Variants in CCDC171 observed in about 807,000 individuals in gnomAD.
CCDC171 encodes the protein coiled-coil domain-containing protein 171.
Under a neutral mutation model 168.2 loss-of-function variants are expected in CCDC171, and 177 were observed. The ratio of observed to expected loss-of-function variants is 1.05; its 90% CI spans 0.93 to 1.19. The LOEUF (loss-of-function observed/expected upper bound fraction) is 1.19, where lower values mean the gene tolerates loss of function less well. Ranked by LOEUF, CCDC171 falls within the 50% of genes most tolerant of loss-of-function variation. CCDC171 has a pLI of 0.00. For synonymous variants in CCDC171, 687 were observed against 540.8 expected (o/e 1.27, Z -3.75); for missense variants, 1,991 against 1,539.0 (o/e 1.29, Z -4.91).
chr9:15,994,697 A>G (rs756295662), intron 3 of CCDC171, among the ~76,000 whole-genome samples: 5 of 152,202 alleles, frequency 3.3e-5, no homozygotes, highest in African/African-American at 7.2e-5. Flanking sequence ...CATGTTGTCT[A>G]TAGGTACATT....
chr9:15,912,444 T>C (rs1330853590), intron 24 of CCDC171, among the ~76,000 whole-genome samples: 1 of 152,202 alleles, frequency 6.6e-6, no homozygotes, highest in Non-Finnish European at 1.5e-5. Flanking sequence ...TAAGGAGTTT[T>C]GGGACTGAGA....
At chr9:15,728,143 G>A (rs990361072) in intron 15 of CCDC171, 107 bp downstream of exon 15, 35 of 862,570 alleles carry the variant, frequency 4.1e-5, no homozygotes, top group Non-Finnish European at 5.9e-5. Context: ...AAAAGAATTT[G>A]GATGTTAATA....
At chr9:16,076,684 G>A in the CCDC171 span, among the ~76,000 whole-genome samples, 2 of 152,080 alleles carry the variant, frequency 1.3e-5, no homozygotes, top group Non-Finnish European at 2.9e-5. Flanking sequence ...GCCTTTGTCC[G>A]TGACTATTAG....
intron 3 of CCDC171, among the ~76,000 whole-genome samples, chr9:15,999,379 G>A (rs1373147960): frequency 7.3e-6 from 1 of 137,814 alleles, no homozygotes; most frequent in Non-Finnish European, 1.6e-5. Flanking sequence ...AGGGAGGGAG[G>A]AAGGAAAGAA....
intron 7 of CCDC171, among the ~76,000 whole-genome samples, chr9:15,654,201 TAAAAA>T (rs570414785): frequency 7.0e-6 from 1 of 143,768 alleles, no homozygotes; most frequent in Non-Finnish European, 1.5e-5. Context: ...TTGCTTTCTG[TAAAAA>T]AAAAAAACCA....
chr9:15,990,322 A>G (rs1832145663), intron 3 of CCDC171, among the ~76,000 whole-genome samples: 1 of 152,182 alleles, frequency 6.6e-6, no homozygotes. Context: ...ATCCAGCCAA[A>G]CTAAGCTTCA....
chr9:15,790,189 T>A (rs1164270031), intron 21 of CCDC171, among the ~76,000 whole-genome samples: 1 of 152,246 alleles, frequency 6.6e-6, no homozygotes, highest in Non-Finnish European at 1.5e-5. Context: ...TCTTCCACAA[T>A]GGTTGAACTA....
At chr9:16,087,303 T>C in the CCDC171 span, among the ~76,000 whole-genome samples, 2 of 152,128 alleles carry the variant, frequency 1.3e-5, no homozygotes, top group African/African-American at 4.8e-5. Context: ...TTCTGTCTCG[T>C]TGTTCTGTCT....
chr9:16,083,753 G>T, the CCDC171 span, among the ~76,000 whole-genome samples: 15 of 152,122 alleles, frequency 9.9e-5, no homozygotes, highest in Non-Finnish European at 2.2e-4. Context: ...CTCCCCTAAT[G>T]GAAGAGTTGA....
At chr9:15,938,158 G>A (rs2132249933) in intron 25 of CCDC171, among the ~76,000 whole-genome samples, 1 of 151,940 alleles carries the variant, frequency 6.6e-6, no homozygotes, top group East Asian at 1.9e-4. Context: ...TCACCTTGCA[G>A]ATGAGGAATC....
chr9:16,063,543 T>C (rs1002495098), downstream of CCDC171, among the ~76,000 whole-genome samples: 1 of 152,204 alleles, frequency 6.6e-6, no homozygotes, highest in South Asian at 2.1e-4. Context: ...TCATTTGCAT[T>C]GGTTTACTCT....
chr9:15,949,212 T>G (rs1253364563), intron 25 of CCDC171, among the ~76,000 whole-genome samples: 1 of 152,186 alleles, frequency 6.6e-6, no homozygotes, highest in African/African-American at 2.4e-5. Flanking sequence ...ACCATGCTGT[T>G]TTGGTTACTG....
At chr9:15,621,294 AAT>A (rs1450779639) in intron 6 of CCDC171, among the ~76,000 whole-genome samples, 11 of 152,218 alleles carry the variant, frequency 7.2e-5, no homozygotes, top group African/African-American at 1.7e-4. Flanking sequence ...AATTAAAATA[AAT>A]ATGTTTTTAT....
chr9:15,592,615 G>A (rs937129912), intron 5 of CCDC171, among the ~76,000 whole-genome samples: 4 of 151,902 alleles, frequency 2.6e-5, no homozygotes, highest in Admixed American at 6.6e-5. Flanking sequence ...ACAGTAGCTG[G>A]CATGCAGAAG....
intron 24 of CCDC171, among the ~76,000 whole-genome samples, chr9:15,916,114 TTAAA>T (rs1302115260): frequency 1.3e-5 from 2 of 151,800 alleles, no homozygotes; most frequent in African/African-American, 4.8e-5. Flanking sequence ...AAATAAATAT[TTAAA>T]TATTTTATAT....
intron 3 of CCDC171, among the ~76,000 whole-genome samples, chr9:16,000,049 C>T (rs572112317): frequency 6.6e-6 from 1 of 152,272 alleles, no homozygotes; most frequent in Non-Finnish European, 1.5e-5. Context: ...GCATAATGCC[C>T]TGAGACCTGC....
At chr9:16,018,404 T>C (rs759845835) in intron 3 of CCDC171, among the ~76,000 whole-genome samples, 2 of 152,126 alleles carry the variant, frequency 1.3e-5, no homozygotes, top group Admixed American at 1.3e-4. Context: ...TATGTCAATA[T>C]ATAAGCATTA....
At chr9:15,911,493 G>A (rs943721402) in intron 24 of CCDC171, among the ~76,000 whole-genome samples, 18 of 152,128 alleles carry the variant, frequency 1.2e-4, no homozygotes, top group African/African-American at 4.1e-4. Flanking sequence ...CTATTCTGTA[G>A]GTTGCCTGTT....
chr9:16,041,225 CAGATTTCATGGAAGA>C (rs1833566639), upstream of CCDC171, among the ~76,000 whole-genome samples: 1 of 152,134 alleles, frequency 6.6e-6, no homozygotes, highest in African/African-American at 2.4e-5. Flanking sequence ...GTGTTCAGGA[CAGATTTCATGGAAGA>C]AGTGGAGGTT....
Sources: allele counts gnomAD v4.1 joint callset (sites outside exome capture counted in the v4.1 genomes callset), GRCh38; gene constraint gnomAD v4.1.1; transcripts MANE v1.5; gene names NCBI Gene and HGNC (gene_info 2026-07-23, HGNC 2026-07-21).